Variants in AKNA observed in about 807,000 individuals in gnomAD.
AKNA encodes AT-hook transcription factor.
AKNA carries 67 observed loss-of-function variants against 138.8 expected under a neutral mutation model. The ratio of observed to expected loss-of-function variants is 0.48; its 90% CI spans 0.40 to 0.59. AKNA has a LOEUF of 0.59. AKNA is among the 20% of genes least tolerant of loss of function. The pLI, the probability that AKNA is intolerant of heterozygous loss-of-function variation, is 0.00. For synonymous variants in AKNA, 737 were observed against 754.4 expected, an observed-to-expected ratio of 0.98 and a Z score of 0.38; for missense variants, 1,813 against 1,880.4, an observed-to-expected ratio of 0.96 and a Z score of 0.66.
chr9:114,377,637 T>C, intron 2 of AKNA, 105 bp from the exon 3 acceptor site: 3 of 1,178,354 alleles, frequency 2.5e-6, no homozygotes, highest in Non-Finnish European at 3.5e-6. Context: ...CCTCATCACG[T>C]GGGGATGGAA....
At position 114,364,590 on chromosome 9, in the gene AKNA, T is replaced by C. The variant is rs377034938; in HGVS notation, c.1758A>G (p.Ala586=). The change falls in exon 7 of 22, where the codon GCA becomes GCG. Residue 586 remains alanine, a synonymous_variant. Transcript: ENST00000374088. Reference sequence around the variant, plus strand: ...CTTGGTCCTGGGGCATGAGACGTCCTGCCTGTATCAGTCTTTCAAAGGACT... The same window carrying C: ...CTTGGTCCTGGGGCATGAGACGTCCCGCCTGTATCAGTCTTTCAAAGGACT... ...KVESFERLIQ[A]GRLMPQDQVK... The C allele has an allele frequency of 5.0e-6, 8 of 1,613,994 alleles. No individual in the cohort carries two copies. Among genetic ancestry groups the C allele is most frequent in the Non-Finnish European group, 6.8e-6 (8 of 1,180,028 alleles).
Position 114,376,997 on chromosome 9 carries a change from G to A in AKNA, c.810C>T (p.Ala270=). 6.2e-7 allele frequency: 1 copy of A among 1,614,214 alleles called. No individual in the cohort carries two copies. Among genetic ancestry groups the A allele is most frequent in the African/African-American group, 1.3e-5 (1 of 75,066 alleles). Residue 270 remains alanine, a synonymous_variant, in exon 3 of 22, where the codon GCC becomes GCT. Transcript: ENST00000374088. ...TATCTGTGGCATGCTGCGGACTCTGGGCTGGGGGAGCTGAGGAGTCCTGGA... is the reference window on the plus strand; with the variant it reads ...TATCTGTGGCATGCTGCGGACTCTGAGCTGGGGGAGCTGAGGAGTCCTGGA... ...MEFQDSSAPP[A]QSPQHATDRW...
At chr9:114,368,382 C>G in intron 5 of AKNA, 57 bp downstream of exon 5, 2 of 1,307,112 alleles carry the variant, frequency 1.5e-6, no homozygotes, top group Non-Finnish European at 2.0e-6. Context: ...GTCAGTCCCA[C>G]AGAGCAGAAT....
chr9:114,339,411 G>A (rs936711056), intron 21 of AKNA, among the ~76,000 whole-genome samples: 3 of 152,214 alleles, frequency 2.0e-5, no homozygotes, highest in African/African-American at 4.8e-5. Context: ...AGCATTAGAA[G>A]CACCATCATT....
chr9:114,360,034 G>C lies in AKNA; in HGVS notation c.2153C>G (p.Thr718Ser), dbSNP rs754319700. Residue 718 changes from threonine (T) to serine (S), a missense_variant, in exon 10 of 22, where the codon ACT becomes AGT. Thr to Ser is a moderately conservative substitution (Grantham distance 58). Transcript: ENST00000374088. ...EPATTTAAAS[T>S]GPCPLHVNVE... ...ATTTACGTGCAATGGGCAGGGGCCA[G>C]TGCTGGCGGCGGCAGTGGTGGTAGC... is the stretch of plus-strand genomic sequence containing the variant. 16 of 1,614,122 alleles carry C rather than the reference G, an allele frequency of 9.9e-6. No individual in the cohort carries two copies. The highest frequency in any genetic ancestry group is 7.6e-6 in the Non-Finnish European group (9 of 1,180,052).
chr9:114,358,400 C>A (rs7866925), intron 11 of AKNA: 6 of 530,638 alleles, frequency 1.1e-5, no homozygotes, highest in Non-Finnish European at 2.0e-5. Context: ...ACCCACCCAA[C>A]ACCAAAGAGG....
At chr9:114,345,259 T>C (rs1188882207) in intron 18 of AKNA, 1 of 151,974 alleles carries the variant, frequency 6.6e-6, no homozygotes, top group African/African-American at 2.4e-5. Context: ...TTTGCATGTT[T>C]AGTAGAAACG....
intron 1 of AKNA, among the ~76,000 whole-genome samples, chr9:114,393,213 C>CTTTTTT (rs869060529): frequency 7.6e-6 from 1 of 132,160 alleles, no homozygotes; most frequent in Non-Finnish European, 1.6e-5. Flanking sequence ...ACAGTATAAT[C>CTTTTTT]TTTTTTTTTT....
rs375027878 is a variant in AKNA, at chr9:114,337,255, C to A, written c.4119G>T (p.Pro1373=). The A allele has an allele frequency of 1.3e-6, 2 of 1,550,734 alleles. No homozygotes were observed. The highest frequency in any genetic ancestry group is 8.8e-7 in the Non-Finnish European group (1 of 1,139,608). The change falls in exon 22 of 22, where the codon CCG becomes CCT. Residue 1373 remains proline, a synonymous_variant. Coordinates refer to ENST00000374088, the MANE Select transcript of AKNA (RefSeq NM_001317950.2). ...GGGCTGGTGGGGGAGAGGCTGTGGG[C>A]GGCCACTTGGCAGCTGGTTGGGCTG... is the stretch of plus-strand genomic sequence containing the variant. ...PTSAQPAAKW[P]PTASPPPARR...
At position 114,374,153 on chromosome 9, in the gene AKNA, C is replaced by A. The variant is rs1185402716; in HGVS notation, c.1356G>T (p.Arg452Ser). The change falls in exon 4 of 22, where the codon AGG becomes AGT. Residue 452 changes from arginine (R) to serine (S), a missense_variant. Transcript: ENST00000374088. ...LVHQLQEDYH[R>S]LLTKYAEAEN... ...CGGCCTCAGCGTACTTGGTGAGGAGCCTGTGGTAGTCTTCCTGCAGAAAGC... is the reference window on the plus strand; with the variant it reads ...CGGCCTCAGCGTACTTGGTGAGGAGACTGTGGTAGTCTTCCTGCAGAAAGC... The A allele has an allele frequency of 1.3e-6, 2 of 1,557,726 alleles. No homozygotes were observed. The highest frequency in any genetic ancestry group is 1.7e-6 in the Non-Finnish European group (2 of 1,150,156).
chr9:114,342,168 A>G, intron 19 of AKNA, 43 bp from the exon 20 acceptor site: 1 of 1,409,546 alleles, frequency 7.1e-7, no homozygotes, highest in Non-Finnish European at 9.6e-7. Context: ...TTACATCTAA[A>G]TCATCAGATC....
intron 19 of AKNA, among the ~76,000 whole-genome samples, chr9:114,343,418 T>C (rs1007491530): frequency 6.6e-6 from 1 of 151,942 alleles, no homozygotes; most frequent in Non-Finnish European, 1.5e-5. Flanking sequence ...GAAGGGAGGA[T>C]GGAGGGGAGA....
chr9:114,350,980 C>T lies in AKNA; in HGVS notation c.3100G>A (p.Glu1034Lys), dbSNP rs1435261764. 2 of 1,613,494 alleles carry T rather than the reference C, an allele frequency of 1.2e-6. No individual in the cohort carries two copies. Among genetic ancestry groups the T allele is most frequent in the African/African-American group, 1.3e-5 (1 of 74,866 alleles). Reference protein sequence around the residue: ...SEFEGHKRISEQPLPNKTISP... With the variant: ...SEFEGHKRISKQPLPNKTISP... ...ATTGTCTTGTTGGGAAGGGGCTGTT[C>T]AGAAATCCGTTTGTGCCCCTCAAAC... is the stretch of plus-strand genomic sequence containing the variant. The change falls in exon 15 of 22, where the codon GAA becomes AAA. Residue 1034 changes from glutamate to lysine, a missense_variant. By Grantham distance (56) the Glu-to-Lys change is moderately conservative. Coordinates refer to ENST00000374088, the MANE Select transcript of AKNA (RefSeq NM_001317950.2).
At chr9:114,333,732 TA>T (rs1173114109), downstream of AKNA, among the ~76,000 whole-genome samples, 757 of 141,448 alleles carry the variant, frequency 5.4e-3, 1 homozygote, top group Non-Finnish European at 8.0e-3. Context: ...CAACTAGTCA[TA>T]AAAAAAAATC....
chr9:114,367,617 C>G lies in AKNA; in HGVS notation c.1654G>C (p.Asp552His). 2 of 1,607,738 alleles carry G rather than the reference C, an allele frequency of 1.2e-6. No individual in the cohort carries two copies. The highest frequency in any genetic ancestry group is 3.3e-5 in the Admixed American group (2 of 59,814). The change falls in exon 6 of 22, where the codon GAC becomes CAC. Residue 552 changes from aspartate (D) to histidine (H), a missense_variant. Coordinates refer to ENST00000374088, the MANE Select transcript of AKNA (RefSeq NM_001317950.2). ...PTLGWLPENR[D>H]ISEDQSSAEQ... ...GCTGAGGACTGGTCCTCAGAGATGT[C>G]CCGGTTCTCCGGAAGCCACCCCAGG...
intron 4 of AKNA, among the ~76,000 whole-genome samples, chr9:114,372,200 C>T (rs1275355969): frequency 1.3e-5 from 2 of 152,108 alleles, no homozygotes; most frequent in Non-Finnish European, 2.9e-5. Context: ...GCAGAGCCCT[C>T]GGGCCAAGCA....
At chr9:114,330,799 C>G (rs1829838433), downstream of AKNA, 1 of 1,613,874 alleles carries the variant, frequency 6.2e-7, no homozygotes, top group Middle Eastern at 1.7e-4. Flanking sequence ...TAGCCAGAAC[C>G]AGTGCTTCTA....
At chr9:114,372,205 C>T (rs1401938511) in intron 4 of AKNA, among the ~76,000 whole-genome samples, 1 of 152,118 alleles carries the variant, frequency 6.6e-6, no homozygotes, top group Non-Finnish European at 1.5e-5. Context: ...GCCCTCGGGC[C>T]AAGCAATCAT....
At chr9:114,375,131 G>A (rs1363959603) in intron 3 of AKNA, among the ~76,000 whole-genome samples, 1 of 152,146 alleles carries the variant, frequency 6.6e-6, no homozygotes, top group Non-Finnish European at 1.5e-5. Context: ...TGGTCTGGAA[G>A]GGAAATGGTC....
Sources: gnomAD v4.1 joint callset for allele counts (sites outside exome capture counted in the v4.1 genomes callset) on GRCh38, gnomAD v4.1.1 for gene constraint, MANE v1.5 for transcripts, NCBI Gene and HGNC (gene_info 2026-07-23, HGNC 2026-07-21) for gene names.